The following CCDC61 variants were observed in gnomAD, a reference collection of about 807,000 sequenced individuals.
CCDC61 encodes the protein coiled-coil domain containing 61.
A neutral mutation model predicts 63.0 loss-of-function variants in CCDC61; 55 were observed. That is an observed-to-expected ratio of 0.87 (90% confidence interval 0.70 to 1.09). CCDC61 has a LOEUF of 1.09. Ranked by LOEUF, CCDC61 falls within the 50% of genes least tolerant of loss-of-function variation. The pLI, the probability that CCDC61 is intolerant of heterozygous loss-of-function variation, is 0.00. For missense variants in CCDC61, 651 were observed against 731.4 expected (o/e 0.89, Z 1.27); for synonymous variants, 270 against 317.0 (o/e 0.85, Z 1.58).
At chr19:46,001,519 C>T (rs1034852830) in intron 1 of CCDC61, among the ~76,000 whole-genome samples, 2 of 152,134 alleles carry the variant, frequency 1.3e-5, no homozygotes, top group African/African-American at 4.8e-5. Context: ...CCAACGCACA[C>T]GGACGAGATC....
chr19:46,006,569 C>A lies in CCDC61; in HGVS notation c.242C>A (p.Ser81Ter). The A allele has an allele frequency of 6.3e-7, 1 of 1,582,402 alleles. No individual in the cohort carries two copies. The change falls in exon 4 of 14, where the codon TCA (serine) becomes TAA (stop). Residue 81 changes from serine to a stop codon, truncating the protein, a stop_gained. Coordinates refer to ENST00000595358, the MANE Select transcript of CCDC61 (RefSeq NM_001267723.2). LOFTEE classifies it high-confidence loss of function. ...LESALTQSSESVTLDLLTYTD... is the reference protein window; with the variant it reads ...LESALTQSSE Reference sequence around the variant, plus strand: ...CTCCTCTCCTGACAGAGTAGTGAGTCAGTCACCCTGGACCTGCTGACCTAC... The same window carrying A: ...CTCCTCTCCTGACAGAGTAGTGAGTAAGTCACCCTGGACCTGCTGACCTAC...
Position 46,018,187 on chromosome 19 carries a change from A to G in CCDC61, c.1441+37A>G. 6.3e-7 allele frequency: 1 copy of G among 1,577,598 alleles called. No individual in the cohort carries two copies. The highest frequency in any genetic ancestry group is 1.8e-5 in the Admixed American group (1 of 55,194). ...ACTCCACATCCCCTCTCCCAGCCCC[A>G]GGACCCGTTGGAATGGTAGTGCGGG... is the stretch of plus-strand genomic sequence containing the variant. On this transcript the variant is annotated intron_variant, in intron 13 of 13. Transcript: ENST00000595358. This position sits in a 1 kb window ranked among gnomAD's most constrained non-coding sequence, Gnocchi z 4.2.
chr19:46,016,419 G>A lies in CCDC61; in HGVS notation c.1091+26G>A, dbSNP rs752387078. 2.1e-5 allele frequency: 34 copies of A among 1,610,974 alleles called. No individual in the cohort carries two copies. The highest frequency in any genetic ancestry group is 2.7e-5 in the Non-Finnish European group (32 of 1,178,436). ...GTCAGTGCCCCTTCCTCCCTCACCT[G>A]CCCCTGTCCCTGGCCCGTGCCCGCT... On this transcript the variant is annotated intron_variant, in intron 9 of 13. Transcript: ENST00000595358. This position sits in a 1 kb window ranked among gnomAD's most constrained non-coding sequence, Gnocchi z 7.2.
Position 46,017,058 on chromosome 19 carries a change from G to A in CCDC61, c.1299G>A (p.Ser433=). 6.2e-7 allele frequency: 1 copy of A among 1,612,092 alleles called. No individual in the cohort carries two copies. The highest frequency in any genetic ancestry group is 1.1e-5 in the South Asian group (1 of 90,444). The change falls in exon 11 of 14, where the codon TCG becomes TCA. Residue 433 remains serine (S), a synonymous_variant. Coordinates refer to ENST00000595358, the MANE Select transcript of CCDC61 (RefSeq NM_001267723.2). ...GCGATTTGGAGGATTTCTCTGAGTC[G>A]CTCTCCAGAGGGTAAAACTTGAACT... ...SCSDLEDFSE[S]LSRGGHRRRG... is the part of the protein sequence containing the mutation.
intron 5 of CCDC61, among the ~76,000 whole-genome samples, chr19:46,011,113 G>A (rs1968821000): frequency 6.7e-6 from 1 of 149,246 alleles, no homozygotes; most frequent in African/African-American, 2.5e-5. Context: ...GTGGTGGTAC[G>A]ATCTTGGCTC....
At chr19:46,005,696 GTT>G (rs1968693735) in intron 3 of CCDC61, among the ~76,000 whole-genome samples, 1 of 151,706 alleles carries the variant, frequency 6.6e-6, no homozygotes, top group African/African-American at 2.4e-5. Flanking sequence ...CCTGTTAGCT[GTT>G]TTTCTTGAAG....
chr19:46,007,820 G>A (rs1233600418), intron 4 of CCDC61, among the ~76,000 whole-genome samples: 2 of 152,164 alleles, frequency 1.3e-5, no homozygotes, highest in Non-Finnish European at 2.9e-5. Context: ...ATCTGAATTA[G>A]GATTGCGTTT....
rs1047765505 is a variant in CCDC61, at chr19:46,016,955, C to G, written c.1232-36C>G. Reference sequence around the variant, plus strand: ...CCTGGGAAGCACTGGGCGGGGCCAGCGAGGGCCAGCGGTCACGCCCTCCGT... The same window carrying G: ...CCTGGGAAGCACTGGGCGGGGCCAGGGAGGGCCAGCGGTCACGCCCTCCGT... On this transcript the variant is annotated intron_variant, in intron 10 of 13. Coordinates refer to ENST00000595358, the MANE Select transcript of CCDC61 (RefSeq NM_001267723.2). The surrounding 1 kb of genome is among the most constrained non-coding windows in gnomAD (Gnocchi z 7.2). 1.9e-6 allele frequency: 3 copies of G among 1,580,564 alleles called. No homozygotes were observed. In the African/African-American group the frequency reaches 4.0e-5, roughly 21 times the overall value.
At chr19:46,010,480 C>T (rs1968807717) in intron 5 of CCDC61, among the ~76,000 whole-genome samples, 6 of 152,110 alleles carry the variant, frequency 3.9e-5, no homozygotes, top group Admixed American at 3.3e-4. Context: ...GTAGGCTTCC[C>T]GGATGAGTGG....
Position 46,005,568 on chromosome 19 carries a change from G to A in CCDC61, c.232-991G>A, listed in dbSNP as rs143732505. 3.6e-4 allele frequency among the ~76,000 whole-genome samples: 54 copies of A among 151,822 alleles called. No homozygotes were observed. In the South Asian group the frequency reaches 5.4e-3, roughly 15 times the overall value. On this transcript the variant is annotated intron_variant, in intron 3 of 13. Transcript: ENST00000595358. ...AGTCACATTTGTTAATATCCTCACCGATTTCCCCAGGAAAGTCTGTGAACA... is the reference window on the plus strand; with the variant it reads ...AGTCACATTTGTTAATATCCTCACCAATTTCCCCAGGAAAGTCTGTGAACA...
chr19:46,002,389 A>T (rs1305691821), intron 1 of CCDC61, among the ~76,000 whole-genome samples: 1 of 151,936 alleles, frequency 6.6e-6, no homozygotes, highest in Admixed American at 6.6e-5. Context: ...TAATAAATTA[A>T]TACTAATATT....
At chr19:45,995,894 A>G (rs1968483073) in intron 1 of CCDC61, among the ~76,000 whole-genome samples, 1 of 152,100 alleles carries the variant, frequency 6.6e-6, no homozygotes, top group Non-Finnish European at 1.5e-5. Context: ...AAGAAGCAAT[A>G]TTGAGGAAGG....
chr19:45,998,716 A>G (rs1330900644), intron 1 of CCDC61, among the ~76,000 whole-genome samples: 2 of 152,214 alleles, frequency 1.3e-5, no homozygotes, highest in Non-Finnish European at 2.9e-5. Flanking sequence ...GGTAACAGGG[A>G]GTGCCAGCCA....
chr19:46,002,712 C>A lies in CCDC61; in HGVS notation c.-11-296C>A, dbSNP rs531938657. Among the ~76,000 whole-genome samples, 74 of 152,232 alleles carry A rather than the reference C, an allele frequency of 4.9e-4. 2 individuals carry two copies. The South Asian group carries it at 0.015, about 31-fold the overall frequency. ...GATAACAGTTGTCAGCCACCGCGCCCGGCTTGGCAATCATGAATTTCTAGT... is the reference window on the plus strand; with the variant it reads ...GATAACAGTTGTCAGCCACCGCGCCAGGCTTGGCAATCATGAATTTCTAGT... On this transcript the variant is annotated intron_variant, in intron 1 of 13. Coordinates refer to ENST00000595358, the MANE Select transcript of CCDC61 (RefSeq NM_001267723.2).
At chr19:46,012,628 CAGAG>C (rs1968849179) in intron 5 of CCDC61, among the ~76,000 whole-genome samples, 1 of 150,978 alleles carries the variant, frequency 6.6e-6, no homozygotes, top group Admixed American at 6.6e-5. Context: ...GCCTGGGTGA[CAGAG>C]GGAGACTCTA....
At chr19:46,012,901 G>C (rs1315531956) in intron 5 of CCDC61, among the ~76,000 whole-genome samples, 1 of 150,390 alleles carries the variant, frequency 6.6e-6, no homozygotes, top group Non-Finnish European at 1.5e-5. Context: ...ACCCAGGCTA[G>C]AGTGCAGTAG....
At chr19:46,002,905 C>A in intron 1 of CCDC61, 103 bp from the exon 2 acceptor site, 1 of 1,177,772 alleles carries the variant, frequency 8.5e-7, no homozygotes, top group Non-Finnish European at 1.2e-6. Flanking sequence ...TCCCAGGATG[C>A]CACAGCTGGT....
Position 46,016,879 on chromosome 19 carries a change from CG to C in CCDC61, c.1231+50del. 3.5e-6 allele frequency: 1 copy of C among 284,372 alleles called. No homozygotes were observed. The highest frequency in any genetic ancestry group is 6.3e-6 in the Non-Finnish European group (1 of 158,206). 17.6% of individuals were successfully genotyped at this position (284,372 alleles called of 1,614,324 possible). On this transcript the variant is annotated intron_variant, in intron 10 of 13. Coordinates refer to ENST00000595358, the MANE Select transcript of CCDC61 (RefSeq NM_001267723.2). The surrounding 1 kb of genome is among the most constrained non-coding windows in gnomAD (Gnocchi z 7.2). ...GGCTGCCGGGCTAGGCGGGACTGGG[CG>C]GGGCTGGGCGGGCTGGGAGGCACTG...
At position 46,015,510 on chromosome 19, in the gene CCDC61, C is replaced by T. The variant is rs1268663897; in HGVS notation, c.845+83C>T. ...GCTGATGAGGCGGAGCCTAAGGGGG[C>T]GGGGCGGGGCCAGGTAGGGTGGAGG... On this transcript the variant is annotated intron_variant, in intron 7 of 13. Coordinates refer to ENST00000595358, the MANE Select transcript of CCDC61 (RefSeq NM_001267723.2). The surrounding 1 kb of genome is among the most constrained non-coding windows in gnomAD (Gnocchi z 5.3). The T allele has an allele frequency of 1.7e-4, 7 of 41,450 alleles. No individual in the cohort carries two copies. The highest frequency in any genetic ancestry group is 2.5e-4 in the Non-Finnish European group (7 of 28,180). 2.6% of individuals were successfully genotyped at this position (41,450 alleles called of 1,614,324 possible).
Sources: gnomAD v4.1 joint callset for allele counts (sites outside exome capture counted in the v4.1 genomes callset) on GRCh38, gnomAD v4.1.1 for gene constraint, Gnocchi (gnomAD v3.1) non-coding constraint, MANE v1.5 for transcripts, NCBI Gene and HGNC (gene_info 2026-07-23, HGNC 2026-07-21) for gene names.